The following AQR variants were observed in gnomAD, a reference collection of about 807,000 sequenced individuals.
The protein encoded by AQR is aquarius intron-binding spliceosomal factor.
A neutral mutation model predicts 180.5 loss-of-function variants in AQR; 61 were observed. The observed-to-expected ratio is 0.34, with a 90% confidence interval of 0.28 to 0.42. AQR has a LOEUF of 0.42. Among genes scored for constraint, AQR ranks in the 10% least tolerant of loss-of-function variants. AQR has a pLI of 1.00. For synonymous variants in AQR, 551 were observed against 588.8 expected (o/e 0.94, Z 0.93); for missense variants, 1,281 against 1,798.3 (o/e 0.71, Z 5.20).
chr15:34,928,512 C>A (rs896891265), intron 12 of AQR, among the ~76,000 whole-genome samples: 1 of 152,162 alleles, frequency 6.6e-6, no homozygotes, highest in Non-Finnish European at 1.5e-5. Flanking sequence ...CGTGTCCCCG[C>A]AAAGGACATG....
At chr15:34,899,600 G>A (rs551013024) in intron 20 of AQR, among the ~76,000 whole-genome samples, 5 of 151,340 alleles carry the variant, frequency 3.3e-5, no homozygotes, top group Admixed American at 2.6e-4. Flanking sequence ...GGAATTCCTG[G>A]CCTCAAGCAA....
chr15:34,910,120 G>C lies in AQR; in HGVS notation c.1663+15C>G, dbSNP rs142444406. On this transcript the variant is annotated intron_variant, in intron 17 of 34. Coordinates refer to ENST00000156471, the MANE Select transcript of AQR (RefSeq NM_014691.3). The stretch of plus-strand genomic sequence containing the variant: ...AAGGCAAAAGGTAATGTCACTTTTT[G>C]AAATACAAACTTACCTTCCCATTCA... 11 of 1,612,102 alleles carry C rather than the reference G, an allele frequency of 6.8e-6. No individual in the cohort carries two copies. The highest frequency in any genetic ancestry group is 1.7e-4 in the Middle Eastern group (1 of 6,050).
intron 3 of AQR, among the ~76,000 whole-genome samples, chr15:34,957,701 C>CA (rs1443903965): frequency 1.9e-5 from 2 of 105,938 alleles, no homozygotes. Context: ...AACTCCGTCT[C>CA]AAAAAAACAT....
chr15:34,966,922 G>A (rs958668498), intron 1 of AQR, among the ~76,000 whole-genome samples: 26 of 124,628 alleles, frequency 2.1e-4, no homozygotes, highest in African/African-American at 7.1e-4. Context: ...TGTTGCCCAG[G>A]CTGAAGTACA....
rs1893832886 is a variant in AQR, at chr15:34,930,319, C to A, written c.953G>T (p.Gly318Val). The part of the protein sequence containing the change: ...YTGFEINDQT[G>V]NALTENEMTT... ...CATCTCATTCTCTGTCAGAGCATTTCCAGTTTGGTCATTAATTTCAAAACC... is the reference window on the plus strand; with the variant it reads ...CATCTCATTCTCTGTCAGAGCATTTACAGTTTGGTCATTAATTTCAAAACC... Residue 318 changes from glycine to valine, a missense_variant, in exon 12 of 35, where the codon GGA becomes GTA. Physicochemically the swap from Gly to Val is moderately radical, Grantham distance 109. Transcript: ENST00000156471. 6.2e-7 allele frequency: 1 copy of A among 1,611,478 alleles called. No homozygotes were observed. Among genetic ancestry groups the A allele is most frequent in the African/African-American group, 1.3e-5 (1 of 74,838 alleles).
Position 34,908,518 on chromosome 15 carries a change from A to G in AQR, c.1663+1617T>C, listed in dbSNP as rs139513306. On this transcript the variant is annotated intron_variant, in intron 17 of 34. Transcript: ENST00000156471. ...TTTGGCTACCCTATCTGTGATCAATATAGGGGCTGGTTTTTGGCCCAGGCC... is the reference window on the plus strand; with the variant it reads ...TTTGGCTACCCTATCTGTGATCAATGTAGGGGCTGGTTTTTGGCCCAGGCC... Among the ~76,000 whole-genome samples the G allele has an allele frequency of 2.6e-4, 39 of 152,300 alleles. No individual in the cohort carries two copies. The East Asian group carries it at 6.9e-3, about 27-fold the overall frequency.
At chr15:34,874,517 T>C in intron 29 of AQR, 160 bp downstream of exon 29, 1 of 665,820 alleles carries the variant, frequency 1.5e-6, no homozygotes, top group Admixed American at 3.2e-5. Context: ...TCCATTCACA[T>C]CTCTTGCAGA....
chr15:34,962,704 G>A (rs191382669), intron 2 of AQR, among the ~76,000 whole-genome samples: 1 of 152,096 alleles, frequency 6.6e-6, no homozygotes, highest in East Asian at 1.9e-4. Flanking sequence ...AGGAGGTGGA[G>A]GCTGCAGTGA....
Position 34,853,027 on chromosome 15 carries a change from C to CT in AQR, c.*3764dup, listed in dbSNP as rs1372515797. ...TTCTGGATTCCATTTAATTAAAACC[C>CT]TTTTAAATTAAATCCTTGTAACTGA... On this transcript the variant is annotated 3_prime_UTR_variant, in exon 35 of 35. Transcript: ENST00000156471. 1.3e-5 allele frequency: 2 copies of CT among 152,216 alleles called. No individual in the cohort carries two copies. The highest frequency in any genetic ancestry group is 4.8e-5 in the African/African-American group (2 of 41,540). The allele number at this position is 152,216 out of a possible 1,614,324, so 9.4% of individuals were successfully genotyped here.
At position 34,927,045 on chromosome 15, in the gene AQR, CA is replaced by C; in HGVS notation, c.1107del (p.Phe369LeufsTer36). ...TTCATGTTGTCTTACCTAAGAGGTC[CA>C]AAAAACTTGACCAAGGACTCCCGAG... ...VDTRESLVKFFGPLSSNTLHQ... is the reference protein window; with the variant it reads ...VDTRESLVKFXGPLSSNTLHQ... On this transcript the variant is annotated frameshift_variant, in exon 13 of 35. Coordinates refer to ENST00000156471, the MANE Select transcript of AQR (RefSeq NM_014691.3). LOFTEE classifies it high-confidence loss of function. 6 of 1,577,704 alleles carry C rather than the reference CA, an allele frequency of 3.8e-6. No individual in the cohort carries two copies. Among genetic ancestry groups the C allele is most frequent in the South Asian group, 3.6e-5 (3 of 84,056 alleles).
In AQR at chr15:34,857,097, G is replaced by C; in HGVS notation, c.4153C>G (p.Gln1385Glu). 6.5e-7 allele frequency: 1 copy of C among 1,547,660 alleles called. No individual in the cohort carries two copies. The highest frequency in any genetic ancestry group is 8.7e-7 in the Non-Finnish European group (1 of 1,150,914). Residue 1385 changes from glutamine (Q) to glutamate (E), a missense_variant, in exon 35 of 35, where the codon CAA becomes GAA. This residue lies in a region of AQR where 182 missense variants were observed against 185.3 expected (regional missense o/e 0.98). Transcript: ENST00000156471. The part of the protein sequence containing the change: ...TTHHYHQTLL[Q>E]LPPAMVEEGE... The stretch of plus-strand genomic sequence containing the variant: ...TCTTCTACCATAGCAGGTGGTAGTT[G>C]TAATAAAGTCTAATTAAAAAAAAAA...
chr15:34,931,740 G>A (rs1893864016), intron 11 of AQR, among the ~76,000 whole-genome samples: 2 of 152,094 alleles, frequency 1.3e-5, no homozygotes, highest in Admixed American at 1.3e-4. Context: ...CCCAGGAGGC[G>A]GAGGTTGCAG....
intron 14 of AQR, among the ~76,000 whole-genome samples, chr15:34,918,672 A>G (rs187433674): frequency 8.5e-5 from 13 of 152,376 alleles, no homozygotes; most frequent in Non-Finnish European, 1.8e-4. Context: ...TAAAACAGAT[A>G]AAGTGCCACA....
chr15:34,891,935 T>C (rs1454662703), intron 23 of AQR, among the ~76,000 whole-genome samples: 1 of 152,072 alleles, frequency 6.6e-6, no homozygotes, highest in African/African-American at 2.4e-5. Flanking sequence ...TCAAAATATA[T>C]AAAAATATGT....
intron 9 of AQR, among the ~76,000 whole-genome samples, chr15:34,938,122 G>A (rs1453925572): frequency 6.6e-6 from 1 of 152,034 alleles, no homozygotes; most frequent in Non-Finnish European, 1.5e-5. Flanking sequence ...AATATGGTCT[G>A]TAATTTTCCT....
Position 34,906,721 on chromosome 15 carries a change from A to T in AQR, c.1664-9T>A. 1.3e-6 allele frequency: 2 copies of T among 1,598,028 alleles called. No individual in the cohort carries two copies. Among genetic ancestry groups the T allele is most frequent in the East Asian group, 2.2e-5 (1 of 44,668 alleles). On this transcript the variant is annotated splice_polypyrimidine_tract_variant and intron_variant, in intron 17 of 34. Transcript: ENST00000156471. Reference sequence around the variant, plus strand: ...ATCATGCTTACGAAGACCTGGTAAGATATAAAGACATTTTCATTTATTAGA... The same window carrying T: ...ATCATGCTTACGAAGACCTGGTAAGTTATAAAGACATTTTCATTTATTAGA...
At chr15:34,857,746 G>A (rs1407977953) in intron 34 of AQR, among the ~76,000 whole-genome samples, 1 of 151,772 alleles carries the variant, frequency 6.6e-6, no homozygotes, top group African/African-American at 2.4e-5. Flanking sequence ...GAGAGATTCT[G>A]TCTCAAGAAA....
At chr15:34,897,146 T>A (rs1046169685) in intron 21 of AQR, among the ~76,000 whole-genome samples, 180 bp from the exon 22 acceptor site, 1 of 152,190 alleles carries the variant, frequency 6.6e-6, no homozygotes, top group African/African-American at 2.4e-5. Flanking sequence ...AATGGAATTA[T>A]AGTTATTTTT....
chr15:34,906,717 T>C lies in AQR; in HGVS notation c.1664-5A>G, dbSNP rs965117775. ...ATACATCATGCTTACGAAGACCTGG[T>C]AAGATATAAAGACATTTTCATTTAT... On this transcript the variant is annotated splice_region_variant and splice_polypyrimidine_tract_variant and intron_variant, in intron 17 of 34. Transcript: ENST00000156471. 1 of 1,610,358 alleles carries C rather than the reference T, an allele frequency of 6.2e-7. No individual in the cohort carries two copies. The highest frequency in any genetic ancestry group is 8.5e-7 in the Non-Finnish European group (1 of 1,178,628).
Sources: allele counts gnomAD v4.1 joint callset (sites outside exome capture counted in the v4.1 genomes callset), GRCh38; gene constraint gnomAD v4.1.1; regional missense constraint gnomAD v4.1.1; transcripts MANE v1.5; gene names NCBI Gene and HGNC (gene_info 2026-07-23, HGNC 2026-07-21).